The following PIK3CB variants were observed in gnomAD, a reference collection of about 807,000 sequenced individuals.
PIK3CB encodes phosphatidylinositol 4,5-bisphosphate 3-kinase catalytic subunit beta isoform.
Under a neutral mutation model 136.8 loss-of-function variants are expected in PIK3CB, and 39 were observed. The observed-to-expected ratio is 0.29, with a 90% confidence interval of 0.22 to 0.37. PIK3CB has a LOEUF of 0.37. Ranked by LOEUF, PIK3CB falls within the 10% of genes least tolerant of loss-of-function variation. PIK3CB has a pLI of 1.00. For synonymous variants in PIK3CB, 428 were observed against 436.6 expected, an observed-to-expected ratio of 0.98 and a Z score of 0.25; for missense variants, 868 against 1,275.4, an observed-to-expected ratio of 0.68 and a Z score of 4.87.
rs1216567138 is a variant in PIK3CB at position 138,714,605 on chromosome 3, T to C, written c.1165A>G (p.Ile389Val). 1.2e-6 allele frequency: 2 copies of C among 1,613,556 alleles called. No individual in the cohort carries two copies. Among genetic ancestry groups the C allele is most frequent in the Non-Finnish European group, 1.7e-6 (2 of 1,179,618 alleles). ...ATTCTTGGTAAGTCACAAATATTAATATCAAATTCCAGTGGTTCATTCCAA... is the reference window on the plus strand; with the variant it reads ...ATTCTTGGTAAGTCACAAATATTAACATCAAATTCCAGTGGTTCATTCCAA... The part of the protein sequence containing the change: ...HIWNEPLEFD[I>V]NICDLPRMAR... Residue 389 changes from isoleucine (I) to valine (V), a missense_variant, in exon 9 of 24, where the codon ATT (isoleucine) becomes GTT (valine). Ile to Val is a conservative substitution (Grantham distance 29, BLOSUM62 3). Transcript: ENST00000674063.
intron 1 of PIK3CB, among the ~76,000 whole-genome samples, chr3:138,798,835 G>A (rs924246053): frequency 1.3e-5 from 2 of 151,810 alleles, no homozygotes; most frequent in African/African-American, 4.8e-5. Context: ...TAGTCCCCTT[G>A]GAAAAGGATA....
intron 1 of PIK3CB, among the ~76,000 whole-genome samples, chr3:138,797,722 T>C (rs2046124501): frequency 6.6e-6 from 1 of 152,146 alleles, no homozygotes. Context: ...TATGACTGTG[T>C]AGGGTAATGG....
chr3:138,702,009 T>G (rs2044264909), intron 12 of PIK3CB, among the ~76,000 whole-genome samples: 1 of 151,240 alleles, frequency 6.6e-6, no homozygotes, highest in African/African-American at 2.4e-5. Flanking sequence ...CATATAAAGT[T>G]AGGATTGATA....
chr3:138,796,375 A>C (rs759378883), intron 2 of PIK3CB, 88 bp downstream of exon 2: 1 of 127,220 alleles, frequency 7.9e-6, no homozygotes, highest in Non-Finnish European at 1.6e-5. Context: ...ACACAGCAAG[A>C]CTCCACCTCA....
intron 1 of PIK3CB, among the ~76,000 whole-genome samples, chr3:138,808,640 T>C (rs1279500789): frequency 6.6e-6 from 1 of 151,512 alleles, no homozygotes; most frequent in Non-Finnish European, 1.5e-5. Context: ...GATGAGAACA[T>C]GCCACTGCAC....
At chr3:138,830,169 A>G (rs1051156202) in intron 1 of PIK3CB, among the ~76,000 whole-genome samples, 1 of 152,124 alleles carries the variant, frequency 6.6e-6, no homozygotes, top group East Asian at 1.9e-4. Flanking sequence ...AAACTCGAAT[A>G]TCCTAGAAGG....
At chr3:138,779,388 C>CTTTTTT (rs753018315) in intron 2 of PIK3CB, among the ~76,000 whole-genome samples, 14 of 112,020 alleles carry the variant, frequency 1.2e-4, no homozygotes, top group South Asian at 3.1e-4. Flanking sequence ...GCCCGGCCTT[C>CTTTTTT]TTTTTTTTTT....
chr3:138,827,639 C>T (rs1443357173), intron 1 of PIK3CB, among the ~76,000 whole-genome samples: 2 of 151,358 alleles, frequency 1.3e-5, no homozygotes, highest in Non-Finnish European at 2.9e-5. Flanking sequence ...CGATTGTGCC[C>T]CTGCACTCCA....
intron 1 of PIK3CB, among the ~76,000 whole-genome samples, chr3:138,830,789 C>T (rs989874401): frequency 1.3e-5 from 2 of 151,192 alleles, no homozygotes; most frequent in Non-Finnish European, 2.9e-5. Context: ...GTAGTCCCAG[C>T]TACTTGGGAG....
chr3:138,721,087 T>C (rs1397737963), intron 8 of PIK3CB, among the ~76,000 whole-genome samples: 2 of 152,136 alleles, frequency 1.3e-5, no homozygotes, highest in African/African-American at 4.8e-5. Flanking sequence ...ACTCCACATA[T>C]CTTCATGAAA....
intron 1 of PIK3CB, among the ~76,000 whole-genome samples, chr3:138,804,020 T>C (rs534799599): frequency 4.4e-4 from 67 of 152,060 alleles, no homozygotes; most frequent in South Asian, 1.0e-3. Context: ...AGAAAATAGG[T>C]ATAGAAGCAA....
At chr3:138,668,545 C>T (rs2043461638) in intron 19 of PIK3CB, among the ~76,000 whole-genome samples, 1 of 152,204 alleles carries the variant, frequency 6.6e-6, no homozygotes, top group African/African-American at 2.4e-5. Context: ...CTTTCTCAGA[C>T]TCTCTGACTG....
At chr3:138,756,870 G>C (rs1164166858) in intron 3 of PIK3CB, among the ~76,000 whole-genome samples, 1 of 152,056 alleles carries the variant, frequency 6.6e-6, no homozygotes, top group African/African-American at 2.4e-5. Context: ...TACAGCAAAA[G>C]ACATTATCAA....
chr3:138,654,332 T>TA lies in PIK3CB; in HGVS notation c.*1056dup, dbSNP rs1187372966. On this transcript the variant is annotated 3_prime_UTR_variant, in exon 24 of 24. Transcript: ENST00000674063. The stretch of plus-strand genomic sequence containing the variant: ...ATATATGGTACCTCAACAAATAACT[T>TA]AAAGATTTCCGTGTGGCGTGAAACC... 9.1e-6 allele frequency: 2 copies of TA among 220,226 alleles called. No individual in the cohort carries two copies. The highest frequency in any genetic ancestry group is 6.7e-5 in the East Asian group (1 of 14,928). 13.6% of individuals were successfully genotyped at this position (220,226 alleles called of 1,614,324 possible).
At chr3:138,660,295 AT>A (rs2043272675) in intron 21 of PIK3CB, among the ~76,000 whole-genome samples, 1 of 152,158 alleles carries the variant, frequency 6.6e-6, no homozygotes. Flanking sequence ...CACTATTTCT[AT>A]TTTAACTTTT....
chr3:138,700,541 A>G (rs1158878770), intron 12 of PIK3CB, among the ~76,000 whole-genome samples: 1 of 152,140 alleles, frequency 6.6e-6, no homozygotes, highest in African/African-American at 2.4e-5. Flanking sequence ...CATCGAATAA[A>G]TGGAAATCAC....
chr3:138,683,484 G>T (rs1463755312), intron 18 of PIK3CB, among the ~76,000 whole-genome samples, 194 bp downstream of exon 18: 1 of 151,974 alleles, frequency 6.6e-6, no homozygotes, highest in Non-Finnish European at 1.5e-5. Flanking sequence ...TAAGTGAATG[G>T]TATAAATCAT....
intron 1 of PIK3CB, among the ~76,000 whole-genome samples, chr3:138,800,376 T>G (rs540296693): frequency 6.6e-6 from 1 of 152,010 alleles, no homozygotes; most frequent in South Asian, 2.1e-4. Context: ...CACCCAAAGA[T>G]TGCAGTGGTG....
chr3:138,663,050 T>C (rs942742521), intron 21 of PIK3CB, among the ~76,000 whole-genome samples: 1 of 152,044 alleles, frequency 6.6e-6, no homozygotes, highest in Non-Finnish European at 1.5e-5. Flanking sequence ...AAAGCCAAAA[T>C]TGACAAATGG....
Sources: allele counts gnomAD v4.1 joint callset (sites outside exome capture counted in the v4.1 genomes callset), GRCh38; gene constraint gnomAD v4.1.1; transcripts MANE v1.5; gene names NCBI Gene and HGNC (gene_info 2026-07-23, HGNC 2026-07-21).